Variants in SLC24A3 observed in about 807,000 individuals in gnomAD.
SLC24A3 encodes the protein sodium/potassium/calcium exchanger 3.
Under a neutral mutation model 75.8 loss-of-function variants are expected in SLC24A3, and 28 were observed. That is an observed-to-expected ratio of 0.37 (90% CI 0.27 to 0.51). The LOEUF is 0.51. Among genes scored for constraint, SLC24A3 ranks in the 20% least tolerant of loss-of-function variants. The probability of loss-of-function intolerance (pLI) is 0.94; values close to 1 mark genes in which losing one functional copy is unlikely to be tolerated. For missense variants in SLC24A3, 663 were observed against 847.8 expected (o/e 0.78, Z 2.71); for synonymous variants, 372 against 334.1 (o/e 1.11, Z -1.24).
intron 2 of SLC24A3, among the ~76,000 whole-genome samples, chr20:19,376,628 CTTT>C: frequency 6.9e-6 from 1 of 144,736 alleles, no homozygotes; most frequent in East Asian, 2.0e-4. Flanking sequence ...GTCATTGCCA[CTTT>C]TTTTTTTTTT....
chr20:19,678,836 G>A (rs2065002163), intron 9 of SLC24A3, among the ~76,000 whole-genome samples: 1 of 151,422 alleles, frequency 6.6e-6, no homozygotes, highest in South Asian at 2.1e-4. Flanking sequence ...TGGGGCGGCT[G>A]GGCAGAGACG....
At chr20:19,276,766 G>A (rs1029114572) in intron 1 of SLC24A3, among the ~76,000 whole-genome samples, 2 of 152,080 alleles carry the variant, frequency 1.3e-5, no homozygotes, top group African/African-American at 4.8e-5. Flanking sequence ...TTAGCTGGAT[G>A]TGGTGGCATG....
chr20:19,412,738 A>T (rs1019758073), intron 2 of SLC24A3, among the ~76,000 whole-genome samples: 11 of 152,150 alleles, frequency 7.2e-5, no homozygotes, highest in African/African-American at 2.7e-4. Flanking sequence ...CTTTGACTTG[A>T]TATCTTTTAA....
At chr20:19,516,529 G>A (rs941516698) in intron 3 of SLC24A3, among the ~76,000 whole-genome samples, 5 of 152,206 alleles carry the variant, frequency 3.3e-5, no homozygotes, top group African/African-American at 1.2e-4. Context: ...GGAATCCAGG[G>A]CCTCAGATGG....
chr20:19,516,029 A>G (rs2122558937), intron 3 of SLC24A3, among the ~76,000 whole-genome samples: 1 of 152,330 alleles, frequency 6.6e-6, no homozygotes, highest in Middle Eastern at 3.4e-3. Flanking sequence ...TTGGTTTTGT[A>G]CACGGCTTCA....
intron 2 of SLC24A3, among the ~76,000 whole-genome samples, chr20:19,474,327 T>C (rs1204050560): frequency 6.6e-6 from 1 of 152,202 alleles, no homozygotes; most frequent in East Asian, 1.9e-4. Context: ...GGAGGGAGGC[T>C]TTTAATTCCC....
At chr20:19,360,141 A>G (rs1253983210) in intron 2 of SLC24A3, among the ~76,000 whole-genome samples, 1 of 152,226 alleles carries the variant, frequency 6.6e-6, no homozygotes, top group African/African-American at 2.4e-5. Context: ...GTGTGTAAGA[A>G]GAATTTGACA....
Position 19,363,476 on chromosome 20 carries a change from A to G in SLC24A3, c.271+82389A>G, listed in dbSNP as rs73902333. Among the ~76,000 whole-genome samples, 396 of 152,350 alleles carry G rather than the reference A, an allele frequency of 2.6e-3. 3 individuals are homozygous for G. The highest frequency in any genetic ancestry group is 9.3e-3 in the African/African-American group (386 of 41,572). On this transcript the variant is annotated intron_variant, in intron 2 of 16. Coordinates refer to ENST00000328041, the MANE Select transcript of SLC24A3 (RefSeq NM_020689.4). ...GCCTTATTTTAGAATAAAAGAAGAA[A>G]ACACATATCCATTGGAAAATCATGT... is the stretch of plus-strand genomic sequence containing the variant.
intron 1 of SLC24A3, among the ~76,000 whole-genome samples, chr20:19,254,558 G>A (rs1327096466): frequency 3.3e-5 from 5 of 152,152 alleles, no homozygotes; most frequent in African/African-American, 9.7e-5. Flanking sequence ...CCAGACCCTT[G>A]TGGCTTATAT....
chr20:19,665,888 T>C lies in SLC24A3; in HGVS notation c.712T>C (p.Trp238Arg). The part of the protein sequence containing the change: ...IVFIYDEKVS[W>R]WESLVLVLMY... ...GTTTATTTATGATGAAAAAGTTTCCTGGTAAGTACCTCTCTTTCCCCTTCT... is the reference window on the plus strand; with the variant it reads ...GTTTATTTATGATGAAAAAGTTTCCCGGTAAGTACCTCTCTTTCCCCTTCT... Residue 238 changes from tryptophan (W) to arginine (R), a missense_variant and splice_region_variant, in exon 8 of 17, where the codon TGG becomes CGG. By Grantham distance (101) the Trp-to-Arg change is moderately radical. This residue lies in a region of SLC24A3 where 510 missense variants were observed against 703.6 expected (regional missense o/e 0.72). Coordinates refer to ENST00000328041, the MANE Select transcript of SLC24A3 (RefSeq NM_020689.4). The C allele has an allele frequency of 6.2e-7, 1 of 1,611,974 alleles. No individual in the cohort carries two copies.
At chr20:19,213,175 C>T in intron 1 of SLC24A3, 191 bp downstream of exon 1, 1 of 580,246 alleles carries the variant, frequency 1.7e-6, no homozygotes. Flanking sequence ...GGTGGGGACC[C>T]TGAGCGCCAG....
At position 19,693,327 on chromosome 20, in the gene SLC24A3, C is replaced by T. The variant is rs2032768612; in HGVS notation, c.1393C>T (p.Pro465Ser). 1 of 1,613,994 alleles carries T rather than the reference C, an allele frequency of 6.2e-7. No individual in the cohort carries two copies. The highest frequency in any genetic ancestry group is 8.5e-7 in the Non-Finnish European group (1 of 1,180,000). Residue 465 changes from proline to serine, a missense_variant, in exon 13 of 17, where the codon CCC (proline) becomes TCC (serine). Physicochemically the swap from Pro to Ser is moderately conservative, Grantham distance 74 (BLOSUM62 -1). Around this residue, in one of 2 missense-constraint regions of SLC24A3, gnomAD observed 510 missense variants for 703.6 expected, o/e 0.72. Coordinates refer to ENST00000328041, the MANE Select transcript of SLC24A3 (RefSeq NM_020689.4). The part of the protein sequence containing the change: ...PLSFVLYFTV[P>S]NCNKPRWEKW... ...GAGTTTCGTCTTATACTTCACTGTA[C>T]CCAACTGCAACAAGCCGCGCTGGGA...
At chr20:19,275,324 G>A (rs1454610162) in intron 1 of SLC24A3, among the ~76,000 whole-genome samples, 1 of 152,154 alleles carries the variant, frequency 6.6e-6, no homozygotes, top group Admixed American at 6.5e-5. Flanking sequence ...GGAGTGAGAT[G>A]GTATAGGAAG....
chr20:19,622,142 G>A (rs908482550), intron 6 of SLC24A3, among the ~76,000 whole-genome samples: 4 of 152,182 alleles, frequency 2.6e-5, no homozygotes, highest in Non-Finnish European at 2.9e-5. Flanking sequence ...CTAAACCAGT[G>A]CCACGAACCT....
chr20:19,288,126 T>A (rs1983857236), intron 2 of SLC24A3, among the ~76,000 whole-genome samples: 1 of 152,214 alleles, frequency 6.6e-6, no homozygotes. Context: ...TAAGATTGTT[T>A]TAATGATGAA....
chr20:19,572,758 T>C (rs932049731), intron 3 of SLC24A3, among the ~76,000 whole-genome samples: 35 of 152,170 alleles, frequency 2.3e-4, no homozygotes. Context: ...CTCTAGTGAC[T>C]AGAATCAATG....
At chr20:19,552,406 A>G (rs1475590303) in intron 3 of SLC24A3, among the ~76,000 whole-genome samples, 1 of 152,134 alleles carries the variant, frequency 6.6e-6, no homozygotes. Context: ...CATTCTGCTG[A>G]CTCTGACTTT....
At chr20:19,415,938 A>G (rs1467506782) in intron 2 of SLC24A3, among the ~76,000 whole-genome samples, 1 of 152,218 alleles carries the variant, frequency 6.6e-6, no homozygotes, top group South Asian at 2.1e-4. Flanking sequence ...GGTGGTAGGC[A>G]TATCATGGTA....
At chr20:19,530,739 G>T (rs1011973925) in intron 3 of SLC24A3, among the ~76,000 whole-genome samples, 1 of 152,190 alleles carries the variant, frequency 6.6e-6, no homozygotes, top group African/African-American at 2.4e-5. Flanking sequence ...TGATGAGCCT[G>T]AAGTTCCAGG....
Sources: gnomAD v4.1 joint callset for allele counts (sites outside exome capture counted in the v4.1 genomes callset) on GRCh38, gnomAD v4.1.1 for gene constraint, gnomAD v4.1.1 regional missense constraint, MANE v1.5 for transcripts, NCBI Gene and HGNC (gene_info 2026-07-23, HGNC 2026-07-21) for gene names.